KLRB1: variants seen among roughly 807,000 people sequenced by gnomAD.
The protein encoded by KLRB1 is killer cell lectin-like receptor subfamily B member 1.
Under a neutral mutation model 33.5 loss-of-function variants are expected in KLRB1, and 27 were observed. The ratio of observed to expected loss-of-function variants is 0.81; its 90% CI spans 0.59 to 1.11. KLRB1 has a LOEUF of 1.11. Among genes scored for constraint, KLRB1 ranks in the 50% most tolerant of loss-of-function variants. The pLI is 0.00. For missense variants in KLRB1, 241 were observed against 254.1 expected (o/e 0.95, Z 0.35); for synonymous variants, 64 against 88.9 (o/e 0.72, Z 1.58).
intron 1 of KLRB1, among the ~76,000 whole-genome samples, chr12:9,603,326 T>A (rs2120718327): frequency 6.6e-6 from 1 of 152,328 alleles, no homozygotes; most frequent in African/African-American, 2.4e-5. Context: ...CACCTTTCTG[T>A]CTCTTCTCTT....
Position 9,599,784 on chromosome 12 carries a change from C to G in KLRB1, c.242G>C (p.Ser81Thr). 6.2e-7 allele frequency: 1 copy of G among 1,601,686 alleles called. No homozygotes were observed. Among genetic ancestry groups the G allele is most frequent in the Non-Finnish European group, 8.6e-7 (1 of 1,168,978 alleles). The change falls in exon 3 of 6, where the codon AGC (serine) becomes ACC (threonine). Residue 81 changes from serine (S) to threonine (T), a missense_variant. Coordinates refer to ENST00000229402, the MANE Select transcript of KLRB1 (RefSeq NM_002258.3). ...IEKCSVDIQQ[S>T]RNKTTERPGL... The stretch of plus-strand genomic sequence containing the variant: ...ACAATTACCTGTTGTTTTATTCCTG[C>G]TCTGTTGAATGTCCACACTGCATTT...
intron 3 of KLRB1, 83 bp from the exon 4 acceptor site, chr12:9,598,736 G>T: frequency 1.1e-6 from 1 of 897,666 alleles, no homozygotes; most frequent in Non-Finnish European, 1.7e-6. Context: ...CACACACACA[G>T]GTCATTATAA....
chr12:9,607,370 T>TTCTTTCTTTCTCTCTCTCTC (rs879417580), intron 1 of KLRB1, among the ~76,000 whole-genome samples: 3 of 86,358 alleles, frequency 3.5e-5, no homozygotes, highest in Non-Finnish European at 7.6e-5. Flanking sequence ...CTTTCTTTCT[T>TTCTTTCTTTCTCTCTCTCTC]TCTTTCTTTC....
intron 5 of KLRB1, among the ~76,000 whole-genome samples, chr12:9,596,454 C>G (rs1184652861): frequency 6.6e-6 from 1 of 152,194 alleles, no homozygotes; most frequent in African/African-American, 2.4e-5. Context: ...GATGAGACAT[C>G]TGGCTAGCTC....
chr12:9,603,504 A>G (rs1356712770), intron 1 of KLRB1, among the ~76,000 whole-genome samples: 1 of 151,774 alleles, frequency 6.6e-6, no homozygotes, highest in African/African-American at 2.4e-5. Context: ...AGCTCACCGC[A>G]ACCTCCGCCT....
chr12:9,598,437 G>GAT, intron 4 of KLRB1, 62 bp downstream of exon 4: 1 of 1,322,516 alleles, frequency 7.6e-7, no homozygotes, highest in Non-Finnish European at 1.0e-6. Context: ...CTAATGCACA[G>GAT]ACATTAATAT....
intron 1 of KLRB1, among the ~76,000 whole-genome samples, chr12:9,607,339 T>TTCCTGCCTGCCTTC (rs1330109407): frequency 3.1e-4 from 19 of 61,212 alleles, no homozygotes; most frequent in Admixed American, 6.0e-4. Context: ...TTCTTTCCTT[T>TTCCTGCCTGCCTTC]CTTTCTTTCT....
At position 9,595,131 on chromosome 12, in the gene KLRB1, A is replaced by G. The variant is rs112483119; in HGVS notation, c.*143T>C. 0.015 allele frequency: 9,430 copies of G among 648,924 alleles called. 93 individuals carry two copies. Among genetic ancestry groups the G allele is most frequent in the African/African-American group, 0.038 (2,073 of 54,108 alleles). 40.2% of individuals were successfully genotyped at this position (648,924 alleles called of 1,614,324 possible). A position where few individuals can be genotyped will look rare whatever the true frequency, so the allele number is the denominator to read the frequency against. On this transcript the variant is annotated 3_prime_UTR_variant, in exon 6 of 6. Transcript: ENST00000229402. The stretch of plus-strand genomic sequence containing the variant: ...GAATATGATAAACATGAACTTCTGT[A>G]AGATTCATAACAGTTGTCAATTCTC...
In KLRB1 at chr12:9,606,038, A is replaced by G. The variant is rs146878074; in HGVS notation, c.85+1717T>C. Among the ~76,000 whole-genome samples, 110 of 152,262 alleles carry G rather than the reference A, an allele frequency of 7.2e-4. 2 individuals carry two copies. Among genetic ancestry groups the G allele is most frequent in the African/African-American group, 2.4e-3 (101 of 41,550 alleles). The stretch of plus-strand genomic sequence containing the variant: ...TTAAAAAAAAATGTTACTCAACCAA[A>G]TCCTCCCTATAGTTATTAGAACCCT... On this transcript the variant is annotated intron_variant, in intron 1 of 5. Transcript: ENST00000229402.
chr12:9,604,214 G>A (rs1275396191), intron 1 of KLRB1, among the ~76,000 whole-genome samples: 1 of 152,126 alleles, frequency 6.6e-6, no homozygotes, highest in Non-Finnish European at 1.5e-5. Flanking sequence ...TCCGGCGGAC[G>A]TTAGCTATCT....
At position 9,594,797 on chromosome 12, in the gene KLRB1, T is replaced by TA. The variant is rs755504464; in HGVS notation, c.*476dup. On this transcript the variant is annotated 3_prime_UTR_variant, in exon 6 of 6. Coordinates refer to ENST00000229402, the MANE Select transcript of KLRB1 (RefSeq NM_002258.3). ...AAATAGGTGAAAGATAGGTGTTTAT[T>TA]AAGTATCTTTATTCAGGTTCATTGC... 14 of 153,120 alleles carry TA rather than the reference T, an allele frequency of 9.1e-5. No individual in the cohort carries two copies. The highest frequency in any genetic ancestry group is 3.4e-4 in the African/African-American group (14 of 41,564). 9.5% of individuals were successfully genotyped at this position (153,120 alleles called of 1,614,324 possible).
chr12:9,605,044 T>G (rs1183971364), intron 1 of KLRB1, among the ~76,000 whole-genome samples: 1 of 152,136 alleles, frequency 6.6e-6, no homozygotes, highest in Non-Finnish European at 1.5e-5. Context: ...TGTGTCCATG[T>G]GTTCTCATTG....
chr12:9,598,266 G>A (rs913688710), intron 4 of KLRB1, 105 bp from the exon 5 acceptor site: 48 of 799,756 alleles, frequency 6.0e-5, no homozygotes, highest in Non-Finnish European at 7.9e-5. Context: ...TTCCTAACTC[G>A]TCGTCAGCAT....
At chr12:9,600,251 T>G (rs1864526559) in intron 2 of KLRB1, among the ~76,000 whole-genome samples, 2 of 152,118 alleles carry the variant, frequency 1.3e-5, no homozygotes, top group Non-Finnish European at 2.9e-5. Context: ...AACTGGAAAT[T>G]TTTCTTTTCT....
chr12:9,601,592 A>G lies in KLRB1; in HGVS notation c.93T>C (p.Cys31=). ...SSPSSLPRDV[C]QGSPWHQFAL... is the part of the protein sequence containing the mutation. ...CAAATTGATGCCAAGGTGAACCCTG[A>G]CAGACATCTGAAAAGTTAAAAAGAA... Residue 31 remains cysteine, a synonymous_variant, in exon 2 of 6, where the codon TGT becomes TGC. Transcript: ENST00000229402. The G allele has an allele frequency of 3.7e-6, 6 of 1,608,936 alleles. No homozygotes were observed. The highest frequency in any genetic ancestry group is 5.1e-6 in the Non-Finnish European group (6 of 1,175,896).
rs1188705968 is a variant in KLRB1, at chr12:9,606,756, A to ATTTTTTTTTTTTTTT, written c.85+998_85+999insAAAAAAAAAAAAAAA. ...AAAGTATATATATATATATATATAT[A>ATTTTTTTTTTTTTTT]TATATTTTTTTTTTTTTTTTGAGAT... On this transcript the variant is annotated intron_variant, in intron 1 of 5. Transcript: ENST00000229402. 4.8e-4 allele frequency among the ~76,000 whole-genome samples: 15 copies of ATTTTTTTTTTTTTTT among 31,536 alleles called. 1 individual carries two copies. The highest frequency in any genetic ancestry group is 1.0e-3 in the Admixed American group (2 of 1,974). The allele number at this position is 31,536 out of a possible 152,430, so 20.7% of individuals were successfully genotyped here.
In KLRB1 at chr12:9,607,686, A is replaced by G. The variant is rs2120731786; in HGVS notation, c.85+69T>C. On this transcript the variant is annotated intron_variant, in intron 1 of 5. Coordinates refer to ENST00000229402, the MANE Select transcript of KLRB1 (RefSeq NM_002258.3). ...ATCTTTAAAGCAATGATTTAAAGCCATAAATGTAACAGGAAGATCTAATTC... is the reference window on the plus strand; with the variant it reads ...ATCTTTAAAGCAATGATTTAAAGCCGTAAATGTAACAGGAAGATCTAATTC... The G allele has an allele frequency of 5.7e-6, 6 of 1,048,706 alleles. No individual in the cohort carries two copies. In the South Asian group the frequency reaches 7.7e-5, roughly 13 times the overall value. 65.0% of individuals were successfully genotyped at this position (1,048,706 alleles called of 1,614,324 possible). A position where few individuals can be genotyped will look rare whatever the true frequency, so the allele number is the denominator to read the frequency against.
intron 5 of KLRB1, among the ~76,000 whole-genome samples, chr12:9,596,491 A>T (rs11834004): frequency 6.6e-6 from 1 of 152,074 alleles, no homozygotes; most frequent in Non-Finnish European, 1.5e-5. Flanking sequence ...GTAGCCCCCA[A>T]AATAATCCTG....
chr12:9,607,267 C>T (rs10844163), intron 1 of KLRB1, among the ~76,000 whole-genome samples: 18 of 5,642 alleles, frequency 3.2e-3, no homozygotes, highest in African/African-American at 5.0e-3. Flanking sequence ...TCTTTCTTTC[C>T]TTTCCTTTCT....
Sources: allele counts gnomAD v4.1 joint callset (sites outside exome capture counted in the v4.1 genomes callset), GRCh38; gene constraint gnomAD v4.1.1; transcripts MANE v1.5; gene names NCBI Gene and HGNC (gene_info 2026-07-23, HGNC 2026-07-21).